The following PPP4R2 variants were observed in gnomAD, a reference collection of about 807,000 sequenced individuals.
The protein encoded by PPP4R2 is protein phosphatase 4 regulatory subunit 2.
A neutral mutation model predicts 47.2 loss-of-function variants in PPP4R2; 13 were observed. The observed-to-expected ratio is 0.28, with a 90% CI of 0.18 to 0.44. The LOEUF (loss-of-function observed/expected upper bound fraction) is 0.44. Ranked by LOEUF, PPP4R2 falls within the 20% of genes least tolerant of loss-of-function variation. The probability of loss-of-function intolerance (pLI) is 1.00; values close to 1 mark genes in which losing one functional copy is unlikely to be tolerated. For synonymous variants in PPP4R2, 151 were observed against 163.3 expected, an observed-to-expected ratio of 0.92 and a Z score of 0.57; for missense variants, 421 against 491.2, an observed-to-expected ratio of 0.86 and a Z score of 1.35.
At position 73,048,286 on chromosome 3, in the gene PPP4R2, G is replaced by A. The variant is rs111444484; in HGVS notation, c.287+930G>A. Among the ~76,000 whole-genome samples, 230 of 152,140 alleles carry A rather than the reference G, an allele frequency of 1.5e-3. 1 individual carries two copies. The highest frequency in any genetic ancestry group is 5.2e-3 in the African/African-American group (214 of 41,508). ...TTGTTTTGTTTTGAGACAGAGTCTCGCTGTCACCCAGGGTGGAGTGCAGTG... is the reference window on the plus strand; with the variant it reads ...TTGTTTTGTTTTGAGACAGAGTCTCACTGTCACCCAGGGTGGAGTGCAGTG... On this transcript the variant is annotated intron_variant, in intron 3 of 8. Coordinates refer to ENST00000356692, the MANE Select transcript of PPP4R2 (RefSeq NM_174907.4).
At chr3:73,034,822 T>C (rs528635546) in intron 2 of PPP4R2, among the ~76,000 whole-genome samples, 1 of 150,746 alleles carries the variant, frequency 6.6e-6, no homozygotes, top group Non-Finnish European at 1.5e-5. Flanking sequence ...CATTGGCTAC[T>C]CTGCCTGGCC....
chr3:73,010,564 CTTT>C (rs5850094), intron 2 of PPP4R2, among the ~76,000 whole-genome samples: 1 of 147,726 alleles, frequency 6.8e-6, no homozygotes, highest in African/African-American at 2.5e-5. Flanking sequence ...CTCTCGCTCT[CTTT>C]TTTTTTTTTA....
chr3:73,064,223 C>A (rs987659492), intron 7 of PPP4R2, 77 bp downstream of exon 7: 8 of 1,258,676 alleles, frequency 6.4e-6, no homozygotes, highest in African/African-American at 4.6e-5. Flanking sequence ...TTATCACTTA[C>A]TATTTATAAG....
intron 2 of PPP4R2, among the ~76,000 whole-genome samples, chr3:73,023,997 A>G (rs369615234): frequency 1.3e-5 from 2 of 152,110 alleles, no homozygotes; most frequent in Non-Finnish European, 2.9e-5. Flanking sequence ...CTTAATTTGT[A>G]TTTTCACTAA....
At chr3:73,058,829 G>C (rs1162413272) in intron 3 of PPP4R2, among the ~76,000 whole-genome samples, 1 of 146,568 alleles carries the variant, frequency 6.8e-6, no homozygotes, top group East Asian at 2.0e-4. Context: ...TAAAGGAAGG[G>C]AGAATGGTTT....
chr3:73,030,238 G>T (rs1460292106), intron 2 of PPP4R2, among the ~76,000 whole-genome samples: 1 of 152,168 alleles, frequency 6.6e-6, no homozygotes, highest in Non-Finnish European at 1.5e-5. Flanking sequence ...TTGAGTAGGT[G>T]ATCAAATGGC....
chr3:73,057,521 G>A (rs1393727722), intron 3 of PPP4R2, among the ~76,000 whole-genome samples: 2 of 152,086 alleles, frequency 1.3e-5, no homozygotes, highest in African/African-American at 4.8e-5. Flanking sequence ...TTGTCTTTTG[G>A]TAGAACAGTT....
At chr3:73,059,204 A>G in intron 4 of PPP4R2, 74 bp downstream of exon 4, 1 of 746,440 alleles carries the variant, frequency 1.3e-6, no homozygotes, top group Non-Finnish European at 2.2e-6. Flanking sequence ...ACATTGAGTA[A>G]GATCTGTTTC....
chr3:73,038,576 A>G (rs1702313375), intron 2 of PPP4R2, among the ~76,000 whole-genome samples: 1 of 152,020 alleles, frequency 6.6e-6, no homozygotes, highest in Non-Finnish European at 1.5e-5. Context: ...TTGTATTTTT[A>G]GTAGAGACAG....
Position 73,067,804 on chromosome 3 carries a change from G to T in PPP4R2, c.*2082G>T, listed in dbSNP as rs1703031880. ...TGGTTTTATTTGTAAACTTGCAATT[G>T]CTATATTTGCAAGGGCAAATGTATT... On this transcript the variant is annotated 3_prime_UTR_variant, in exon 9 of 9. Coordinates refer to ENST00000356692, the MANE Select transcript of PPP4R2 (RefSeq NM_174907.4). 6.6e-6 allele frequency: 1 copy of T among 152,122 alleles called. No homozygotes were observed. Among genetic ancestry groups the T allele is most frequent in the African/African-American group, 2.4e-5 (1 of 41,434 alleles). The allele number at this position is 152,122 out of a possible 1,614,324, so 9.4% of individuals were successfully genotyped here.
At chr3:73,036,198 G>GATCTT (rs1404436513) in intron 2 of PPP4R2, among the ~76,000 whole-genome samples, 1 of 152,134 alleles carries the variant, frequency 6.6e-6, no homozygotes, top group African/African-American at 2.4e-5. Flanking sequence ...TAAAAAAGTT[G>GATCTT]ATCTTAACGG....
chr3:73,047,553 C>A (rs1187871916), intron 3 of PPP4R2, among the ~76,000 whole-genome samples, 197 bp downstream of exon 3: 1 of 152,144 alleles, frequency 6.6e-6, no homozygotes, highest in Non-Finnish European at 1.5e-5. Context: ...ACTTGAACCA[C>A]CTTTTTATAG....
chr3:73,059,027 T>C lies in PPP4R2; in HGVS notation c.288-10T>C. 2.0e-6 allele frequency: 3 copies of C among 1,512,182 alleles called. No individual in the cohort carries two copies. Among genetic ancestry groups the C allele is most frequent in the Non-Finnish European group, 2.7e-6 (3 of 1,101,002 alleles). The allele number at this position is 1,512,182 out of a possible 1,614,324, so 93.7% of individuals were successfully genotyped here. A position where few individuals can be genotyped will look rare whatever the true frequency, so the allele number is the denominator to read the frequency against. On this transcript the variant is annotated splice_polypyrimidine_tract_variant and intron_variant, in intron 3 of 8. Coordinates refer to ENST00000356692, the MANE Select transcript of PPP4R2 (RefSeq NM_174907.4). ...GTGATCTCACACTGTAAAATTATAT[T>C]TTTTTGCAGTATCCCTTTTACTATT...
At chr3:73,039,410 A>G (rs979873697) in intron 2 of PPP4R2, among the ~76,000 whole-genome samples, 39 of 152,368 alleles carry the variant, frequency 2.6e-4, no homozygotes, top group African/African-American at 8.2e-4. Context: ...GGTGTGAGCC[A>G]CCATGCCTGG....
intron 2 of PPP4R2, among the ~76,000 whole-genome samples, chr3:72,998,874 ACTT>A (rs575167419): frequency 1.8e-3 from 271 of 152,034 alleles, no homozygotes; most frequent in African/African-American, 6.4e-3. Context: ...ATCTTTGATG[ACTT>A]CTTTTTGTAG....
At chr3:73,004,865 G>T (rs141414915) in intron 2 of PPP4R2, among the ~76,000 whole-genome samples, 4 of 51,646 alleles carry the variant, frequency 7.7e-5, no homozygotes, top group African/African-American at 2.4e-4. Context: ...GTGTGTGTGT[G>T]TGTGTTTGTT....
intron 5 of PPP4R2, chr3:73,062,399 A>G: frequency 1.2e-6 from 2 of 1,607,638 alleles, no homozygotes; most frequent in Non-Finnish European, 1.7e-6. Flanking sequence ...TTAAAAAAGC[A>G]GCCAAGTCTA....
intron 2 of PPP4R2, among the ~76,000 whole-genome samples, chr3:73,043,083 C>G (rs761001027): frequency 7.5e-6 from 1 of 132,658 alleles, no homozygotes; most frequent in Non-Finnish European, 1.6e-5. Flanking sequence ...ATATGGAAAT[C>G]TGAACTCACG....
intron 2 of PPP4R2, among the ~76,000 whole-genome samples, chr3:72,999,391 C>G (rs1701414642): frequency 6.6e-6 from 1 of 152,114 alleles, no homozygotes; most frequent in African/African-American, 2.4e-5. Context: ...TAAATTAATC[C>G]CTAAAACATA....
Sources: allele counts gnomAD v4.1 joint callset (sites outside exome capture counted in the v4.1 genomes callset), GRCh38; gene constraint gnomAD v4.1.1; transcripts MANE v1.5; gene names NCBI Gene and HGNC (gene_info 2026-07-23, HGNC 2026-07-21).